Variants in PALM observed in about 807,000 individuals in gnomAD.
The protein encoded by PALM is paralemmin-1.
A neutral mutation model predicts 30.7 loss-of-function variants in PALM; 18 were observed. That is an observed-to-expected ratio of 0.59 (90% CI 0.41 to 0.87). The LOEUF is 0.87. Among genes scored for constraint, PALM ranks in the 40% least tolerant of loss-of-function variants. The pLI is 0.00. For missense variants in PALM, 529 were observed against 555.4 expected (o/e 0.95, Z 0.48); for synonymous variants, 286 against 242.8 (o/e 1.18, Z -1.66).
At chr19:727,882 G>A in intron 4 of PALM, 188 bp downstream of exon 4, 1 of 597,782 alleles carries the variant, frequency 1.7e-6, no homozygotes, top group Non-Finnish European at 2.9e-6. Flanking sequence ...CATCCACCTG[G>A]GTCTGGGGCA....
chr19:709,381 G>T lies in PALM; in HGVS notation c.5+230G>T, dbSNP rs1182343435. Among the ~76,000 whole-genome samples, 1 of 151,614 alleles carries T rather than the reference G, an allele frequency of 6.6e-6. No homozygotes were observed. The highest frequency in any genetic ancestry group is 1.5e-5 in the Non-Finnish European group (1 of 67,816). ...ACCCCGGCTGCCCACCCACCGGCGCGTGGGGACCCGGGCAGCGGCGGCTCG... is the reference window on the plus strand; with the variant it reads ...ACCCCGGCTGCCCACCCACCGGCGCTTGGGGACCCGGGCAGCGGCGGCTCG... On this transcript the variant is annotated intron_variant, in intron 1 of 8. Coordinates refer to ENST00000338448, the MANE Select transcript of PALM (RefSeq NM_002579.3). This position sits in a 1 kb window ranked among gnomAD's most constrained non-coding sequence, Gnocchi z 4.3.
At chr19:733,753 G>C (rs529587756) in intron 5 of PALM, among the ~76,000 whole-genome samples, 2 of 152,186 alleles carry the variant, frequency 1.3e-5, no homozygotes, top group African/African-American at 2.4e-5. Flanking sequence ...TTGGGAGGCC[G>C]AGGTGGGTGG....
At chr19:723,277 C>T (rs570777180) in intron 1 of PALM, among the ~76,000 whole-genome samples, 26 of 152,228 alleles carry the variant, frequency 1.7e-4, no homozygotes, top group African/African-American at 5.1e-4. Flanking sequence ...GGCCCTGACA[C>T]CAGGCTGAGA....
At position 714,615 on chromosome 19, in the gene PALM, C is replaced by T. The variant is rs189985138; in HGVS notation, c.5+5464C>T. Among the ~76,000 whole-genome samples the T allele has an allele frequency of 7.2e-5, 11 of 151,982 alleles. No homozygotes were observed. The East Asian group carries it at 1.9e-3, about 27-fold the overall frequency. On this transcript the variant is annotated intron_variant, in intron 1 of 8. Coordinates refer to ENST00000338448, the MANE Select transcript of PALM (RefSeq NM_002579.3). ...CCTCGTGATCCGCCCACCTCGGCCT[C>T]CCAAAGTGCTGGGATTACAGGCGTG...
rs1599143319 is a variant in PALM, at chr19:722,177, C to G, written c.6-3961C>G. ...TCGTGATCCGCCCGCCTCGGCCTCCCAAAGTGCTGGGATTACAGGCGTGAG... is the reference window on the plus strand; with the variant it reads ...TCGTGATCCGCCCGCCTCGGCCTCCGAAAGTGCTGGGATTACAGGCGTGAG... On this transcript the variant is annotated intron_variant, in intron 1 of 8. Coordinates refer to ENST00000338448, the MANE Select transcript of PALM (RefSeq NM_002579.3). 3.3e-5 allele frequency among the ~76,000 whole-genome samples: 5 copies of G among 152,200 alleles called. No individual in the cohort carries two copies. The East Asian group carries it at 9.7e-4, about 30-fold the overall frequency.
Position 725,293 on chromosome 19 carries a change from T to A in PALM, c.6-845T>A, listed in dbSNP as rs528953973. On this transcript the variant is annotated intron_variant, in intron 1 of 8. Coordinates refer to ENST00000338448, the MANE Select transcript of PALM (RefSeq NM_002579.3). Reference sequence around the variant, plus strand: ...CAATGATTGGGCCGGGCGCGGTGGCTCACGCCTGTAATCCCAGCACTTTGG... The same window carrying A: ...CAATGATTGGGCCGGGCGCGGTGGCACACGCCTGTAATCCCAGCACTTTGG... Among the ~76,000 whole-genome samples, 7 of 149,342 alleles carry A rather than the reference T, an allele frequency of 4.7e-5. No homozygotes were observed. In the East Asian group the frequency reaches 1.4e-3, roughly 31 times the overall value.
At chr19:732,978 G>C (rs2032918735) in intron 5 of PALM, among the ~76,000 whole-genome samples, 1 of 151,868 alleles carries the variant, frequency 6.6e-6, no homozygotes, top group Admixed American at 6.6e-5. Context: ...TTGTTACCCA[G>C]GCTGGAGTGC....
chr19:732,425 T>C (rs938174783), intron 5 of PALM, among the ~76,000 whole-genome samples: 3 of 152,210 alleles, frequency 2.0e-5, no homozygotes, highest in African/African-American at 7.2e-5. Flanking sequence ...CCGGGCTTAG[T>C]GGCTCACGCC....
chr19:743,844 T>C (rs551129333), intron 8 of PALM, among the ~76,000 whole-genome samples: 74 of 152,230 alleles, frequency 4.9e-4, no homozygotes, highest in African/African-American at 1.7e-3. Context: ...TTGGAAAGAC[T>C]TGAGAAACAC....
At chr19:711,166 C>T (rs1268084115) in intron 1 of PALM, 33 of 980,012 alleles carry the variant, frequency 3.4e-5, no homozygotes, top group Non-Finnish European at 3.8e-5. Context: ...GGAGAACTAG[C>T]GGGTTGCTAA....
intron 7 of PALM, among the ~76,000 whole-genome samples, chr19:739,703 C>T (rs369229722): frequency 7.2e-5 from 11 of 151,966 alleles, no homozygotes; most frequent in Middle Eastern, 3.4e-3. Flanking sequence ...AGGCTGGGCG[C>T]GGTGGCTCAC....
chr19:712,906 C>G lies in PALM; in HGVS notation c.5+3755C>G, dbSNP rs960612012. On this transcript the variant is annotated intron_variant, in intron 1 of 8. Coordinates refer to ENST00000338448, the MANE Select transcript of PALM (RefSeq NM_002579.3). The stretch of plus-strand genomic sequence containing the variant: ...GGGCAGGCTGGTCTCAAACTCCTGA[C>G]CTCAGGTGATCCGCCCAGCTGGGCC... 9.2e-5 allele frequency among the ~76,000 whole-genome samples: 14 copies of G among 152,252 alleles called. No homozygotes were observed. In the East Asian group the frequency reaches 2.7e-3, roughly 29 times the overall value.
chr19:731,083 C>T lies in PALM; in HGVS notation c.270-12C>T, dbSNP rs1252604339. On this transcript the variant is annotated splice_polypyrimidine_tract_variant and intron_variant, in intron 4 of 8. Coordinates refer to ENST00000338448, the MANE Select transcript of PALM (RefSeq NM_002579.3). ...TGCAGGAGTCACCCTCACAGGCACA[C>T]CCTCTCCCCAGGTTGGAGAAGGAAA... 1.3e-6 allele frequency: 2 copies of T among 1,562,020 alleles called. No homozygotes were observed. The highest frequency in any genetic ancestry group is 2.3e-5 in the East Asian group (1 of 43,606).
At position 709,475 on chromosome 19, in the gene PALM, G is replaced by T. The variant is rs1268817633; in HGVS notation, c.5+324G>T. On this transcript the variant is annotated intron_variant, in intron 1 of 8. Coordinates refer to ENST00000338448, the MANE Select transcript of PALM (RefSeq NM_002579.3). The surrounding 1 kb of genome is among the most constrained non-coding windows in gnomAD (Gnocchi z 4.3). Reference sequence around the variant, plus strand: ...CGCGCCCCGCCCGCGTCTCCAGGGCGAGCCTCGGCTCTCGGCCACCTGTGG... The same window carrying T: ...CGCGCCCCGCCCGCGTCTCCAGGGCTAGCCTCGGCTCTCGGCCACCTGTGG... 1.3e-5 allele frequency among the ~76,000 whole-genome samples: 2 copies of T among 151,998 alleles called. No homozygotes were observed. Among genetic ancestry groups the T allele is most frequent in the African/African-American group, 4.8e-5 (2 of 41,426 alleles).
chr19:734,370 A>C, intron 6 of PALM, 176 bp downstream of exon 6: 1 of 606,838 alleles, frequency 1.6e-6, no homozygotes, highest in Non-Finnish European at 2.9e-6. Context: ...GACCAGCCTG[A>C]CCAACATGGC....
At chr19:720,163 C>A (rs895004705) in intron 1 of PALM, among the ~76,000 whole-genome samples, 3 of 151,572 alleles carry the variant, frequency 2.0e-5, no homozygotes, top group Non-Finnish European at 2.9e-5. Flanking sequence ...CCCCCCCAAT[C>A]CCCCCAAGCA....
chr19:734,103 G>A (rs1305772634), intron 5 of PALM, 70 bp from the exon 6 acceptor site: 1 of 1,496,640 alleles, frequency 6.7e-7, no homozygotes, highest in Non-Finnish European at 9.3e-7. Flanking sequence ...CCAGGCTCCT[G>A]ACCCCATGGC....
At chr19:741,598 TGAG>T (rs1422938288) in intron 8 of PALM, among the ~76,000 whole-genome samples, 1 of 151,036 alleles carries the variant, frequency 6.6e-6, no homozygotes, top group Non-Finnish European at 1.5e-5. Context: ...GTCAGGGAGT[TGAG>T]GAGCTGGGCT....
rs2144833171 is a variant in PALM, at chr19:708,961, C to T, written c.-186C>T. The stretch of plus-strand genomic sequence containing the variant: ...CGCCCGCCGCCGCCCGGACAATAAA[C>T]AGCAGCTTTGCGCGGGGCGATGCCC... On this transcript the variant is annotated 5_prime_UTR_variant, in exon 1 of 9. Coordinates refer to ENST00000338448, the MANE Select transcript of PALM (RefSeq NM_002579.3). 1 of 146,732 alleles carries T rather than the reference C, an allele frequency of 6.8e-6. No homozygotes were observed. The highest frequency in any genetic ancestry group is 2.0e-4 in the East Asian group (1 of 4,968). 9.1% of individuals were successfully genotyped at this position (146,732 alleles called of 1,614,324 possible).
Sources: allele counts gnomAD v4.1 joint callset (sites outside exome capture counted in the v4.1 genomes callset), GRCh38; gene constraint gnomAD v4.1.1; non-coding constraint Gnocchi (gnomAD v3.1); transcripts MANE v1.5; gene names NCBI Gene and HGNC (gene_info 2026-07-23, HGNC 2026-07-21).